Variants in RELN observed in about 807,000 individuals in gnomAD.
RELN encodes the protein reelin.
In RELN, 108 loss-of-function variants were observed where a neutral mutation model predicts 427.6. That is an observed-to-expected ratio of 0.25 (90% confidence interval 0.22 to 0.30). The LOEUF (loss-of-function observed/expected upper bound fraction) is 0.30, where lower values mean the gene tolerates loss of function less well. RELN is among the 10% of genes least tolerant of loss of function. The pLI, the probability that RELN is intolerant of heterozygous loss-of-function variation, is 1.00. For synonymous variants in RELN, 1,524 were observed against 1,513.4 expected, an observed-to-expected ratio of 1.01 and a Z score of -0.16; for missense variants, 3,715 against 4,302.8, an observed-to-expected ratio of 0.86 and a Z score of 3.82.
At chr7:103,771,351 C>T (rs1791564947) in intron 4 of RELN, among the ~76,000 whole-genome samples, 3 of 152,074 alleles carry the variant, frequency 2.0e-5, no homozygotes, top group Admixed American at 1.3e-4. Flanking sequence ...AGAGGCTTGC[C>T]TCTTCTCCAG....
chr7:103,914,856 T>G (rs1795450434), intron 2 of RELN, among the ~76,000 whole-genome samples: 2 of 152,164 alleles, frequency 1.3e-5, no homozygotes, highest in South Asian at 4.1e-4. Context: ...CATATCAGAA[T>G]TTTTAACCAC....
At chr7:103,942,986 T>C (rs1411301326) in intron 1 of RELN, among the ~76,000 whole-genome samples, 1 of 152,146 alleles carries the variant, frequency 6.6e-6, no homozygotes, top group Non-Finnish European at 1.5e-5. Flanking sequence ...AAACACCAAC[T>C]AGGATTGTCT....
At chr7:103,699,312 C>A (rs755847018) in intron 9 of RELN, among the ~76,000 whole-genome samples, 6 of 152,100 alleles carry the variant, frequency 3.9e-5, no homozygotes, top group Non-Finnish European at 5.9e-5. Context: ...AGATGGTGTA[C>A]CTTACCTTTG....
At chr7:103,856,768 T>C (rs1328028607) in intron 2 of RELN, among the ~76,000 whole-genome samples, 2 of 152,094 alleles carry the variant, frequency 1.3e-5, no homozygotes, top group African/African-American at 4.8e-5. Flanking sequence ...ACTGGAACTT[T>C]GTATTTGGTG....
chr7:103,806,254 T>A (rs1291762937), intron 3 of RELN, among the ~76,000 whole-genome samples: 1 of 152,146 alleles, frequency 6.6e-6, no homozygotes, highest in Admixed American at 6.5e-5. Context: ...GGACTTCAGC[T>A]TAGTCCAGTT....
intron 10 of RELN, 79 bp from the exon 11 acceptor site, chr7:103,682,340 G>A (rs903402432): frequency 5.3e-6 from 8 of 1,510,044 alleles, no homozygotes; most frequent in African/African-American, 4.1e-5. Flanking sequence ...TATAATTAGA[G>A]TTTTTAGAAA....
Position 103,654,097 on chromosome 7 carries a change from T to A in RELN, c.1550A>T (p.Tyr517Phe), listed in dbSNP as rs750093812. 5 of 1,549,032 alleles carry A rather than the reference T, an allele frequency of 3.2e-6. No individual in the cohort carries two copies. The African/African-American group carries it at 6.8e-5, about 21-fold the overall frequency. ...CACACAGACTGGCATGTGTACCTTATATGAGGAATAGGAAAGGGTATCCAG... is the reference window on the plus strand; with the variant it reads ...CACACAGACTGGCATGTGTACCTTAAATGAGGAATAGGAAAGGGTATCCAG... Reference protein sequence around the residue: ...ITLDTLSYSSYKVPSLVSVVI... With the variant: ...ITLDTLSYSSFKVPSLVSVVI... The change falls in exon 13 of 65, where the codon TAT becomes TTT. Residue 517 changes from tyrosine to phenylalanine, a missense_variant. Physicochemically the swap from Tyr to Phe is conservative, Grantham distance 22. This residue lies in a region of RELN where 2,208 missense variants were observed against 2,361.7 expected (regional missense o/e 0.93). Coordinates refer to ENST00000428762, the MANE Select transcript of RELN (RefSeq NM_005045.4).
At chr7:103,480,919 A>G (rs1424133412) in intron 63 of RELN, among the ~76,000 whole-genome samples, 2 of 152,222 alleles carry the variant, frequency 1.3e-5, no homozygotes, top group African/African-American at 2.4e-5. Context: ...AGAGCCTGGT[A>G]TATGACAAAT....
chr7:103,554,244 A>AG (rs1830476989), intron 38 of RELN, among the ~76,000 whole-genome samples: 1 of 151,430 alleles, frequency 6.6e-6, no homozygotes, highest in Admixed American at 6.6e-5. Flanking sequence ...GGGGGAAAAA[A>AG]AAAACATAAA....
Position 103,503,075 on chromosome 7 carries a change from G to A in RELN, c.8430C>T (p.Phe2810=). ...CSGSVSQPSV[F]FPTKGWKRIT... is the part of the protein sequence containing the mutation. Reference sequence around the variant, plus strand: ...TCCTTTTCCACCCTTTAGTTGGAAAGAATACAGATGGCTGAGAAACACTTC... The same window carrying A: ...TCCTTTTCCACCCTTTAGTTGGAAAAAATACAGATGGCTGAGAAACACTTC... Residue 2810 remains phenylalanine, a synonymous_variant, in exon 52 of 65, where the codon TTC becomes TTT. Coordinates refer to ENST00000428762, the MANE Select transcript of RELN (RefSeq NM_005045.4). The A allele has an allele frequency of 6.2e-7, 1 of 1,614,162 alleles. No homozygotes were observed. The highest frequency in any genetic ancestry group is 8.5e-7 in the Non-Finnish European group (1 of 1,180,026).
At chr7:103,812,034 G>T (rs1792756013) in intron 3 of RELN, among the ~76,000 whole-genome samples, 1 of 152,208 alleles carries the variant, frequency 6.6e-6, no homozygotes, top group Non-Finnish European at 1.5e-5. Context: ...CATAGGATCT[G>T]TAAAAATAGA....
Position 103,610,790 on chromosome 7 carries a change from C to T in RELN, c.2913G>A (p.Met971Ile). Residue 971 changes from methionine to isoleucine, a missense_variant, in exon 22 of 65, where the codon ATG becomes ATA. Physicochemically the swap from Met to Ile is conservative, Grantham distance 10 (BLOSUM62 1). This residue lies in a region of RELN where 2,208 missense variants were observed against 2,361.7 expected (regional missense o/e 0.93). Coordinates refer to ENST00000428762, the MANE Select transcript of RELN (RefSeq NM_005045.4). Reference protein sequence around the residue: ...HLVQEECLPSMPSCQEFTSAS... With the variant: ...HLVQEECLPSIPSCQEFTSAS... ...CTGATGTAAATTCCTGACAACTTGG[C>T]ATACTTGGAAGGCATTCCTGAAAGA... is the stretch of plus-strand genomic sequence containing the variant. 2 of 1,607,816 alleles carry T rather than the reference C, an allele frequency of 1.2e-6. No individual in the cohort carries two copies. Among genetic ancestry groups the T allele is most frequent in the Non-Finnish European group, 1.7e-6 (2 of 1,174,552 alleles).
At chr7:103,766,815 C>T (rs1041329666) in intron 4 of RELN, among the ~76,000 whole-genome samples, 2 of 152,224 alleles carry the variant, frequency 1.3e-5, no homozygotes, top group African/African-American at 4.8e-5. Flanking sequence ...AACTGCTGAG[C>T]CTGGCAGAAA....
chr7:103,922,759 A>G (rs575186778), intron 1 of RELN, among the ~76,000 whole-genome samples: 1 of 152,304 alleles, frequency 6.6e-6, no homozygotes, highest in South Asian at 2.1e-4. Context: ...AAGAAAATAA[A>G]TTTAGACATT....
At chr7:103,705,431 A>T (rs1365351588) in intron 8 of RELN, among the ~76,000 whole-genome samples, 1 of 152,196 alleles carries the variant, frequency 6.6e-6, no homozygotes, top group Non-Finnish European at 1.5e-5. Context: ...TGGTTCTCTA[A>T]TTTGTACTAT....
chr7:103,492,114 T>C (rs1037382001), intron 57 of RELN, 88 bp from the exon 58 acceptor site: 13 of 1,011,722 alleles, frequency 1.3e-5, no homozygotes, highest in Non-Finnish European at 2.0e-5. Context: ...CATTTATTAC[T>C]CTGATAGGTA....
chr7:103,728,715 T>C (rs1790276198), intron 6 of RELN, among the ~76,000 whole-genome samples: 1 of 152,196 alleles, frequency 6.6e-6, no homozygotes, highest in Non-Finnish European at 1.5e-5. Flanking sequence ...GTTTTATACA[T>C]TTTAAACATT....
intron 2 of RELN, among the ~76,000 whole-genome samples, chr7:103,845,482 A>G (rs2116446439): frequency 6.6e-6 from 1 of 152,146 alleles, no homozygotes; most frequent in Non-Finnish European, 1.5e-5. Flanking sequence ...CACCCGACCC[A>G]CTCTCAACAT....
At chr7:103,862,971 T>C (rs1794106684) in intron 2 of RELN, among the ~76,000 whole-genome samples, 1 of 152,106 alleles carries the variant, frequency 6.6e-6, no homozygotes, top group East Asian at 1.9e-4. Context: ...TCTCAACAGT[T>C]ACTGGGGGTC....
Sources: allele counts gnomAD v4.1 joint callset (sites outside exome capture counted in the v4.1 genomes callset), GRCh38; gene constraint gnomAD v4.1.1; regional missense constraint gnomAD v4.1.1; transcripts MANE v1.5; gene names NCBI Gene and HGNC (gene_info 2026-07-23, HGNC 2026-07-21).